Variants in DOCK7 observed in about 807,000 individuals in gnomAD.
The protein encoded by DOCK7 is dedicator of cytokinesis protein 7.
A neutral mutation model predicts 271.0 loss-of-function variants in DOCK7; 138 were observed. The ratio of observed to expected loss-of-function variants is 0.51; its 90% CI spans 0.44 to 0.59. The LOEUF (loss-of-function observed/expected upper bound fraction) is 0.59, where lower values mean the gene tolerates loss of function less well. Ranked by LOEUF, DOCK7 falls within the 20% of genes least tolerant of loss-of-function variation. DOCK7 has a pLI of 0.00. For synonymous variants in DOCK7, 823 were observed against 876.1 expected, an observed-to-expected ratio of 0.94 and a Z score of 1.07; for missense variants, 2,066 against 2,592.4, an observed-to-expected ratio of 0.80 and a Z score of 4.41.
chr1:62,543,658 T>C lies in DOCK7; in HGVS notation c.2947A>G (p.Lys983Glu). 1 of 1,598,700 alleles carries C rather than the reference T, an allele frequency of 6.3e-7. No homozygotes were observed. The highest frequency in any genetic ancestry group is 8.6e-7 in the Non-Finnish European group (1 of 1,168,602). ...GAATTGTCTTCATATGAATCTACCT[T>C]TTTAGTTGGTAAGCGTCCCGTTAAT... ...QTLTGRLPTKKLFHEELALQW... is the reference protein window; with the variant it reads ...QTLTGRLPTKELFHEELALQW... The change falls in exon 24 of 50, where the codon AAG (lysine) becomes GAG (glutamate). Residue 983 changes from lysine (K) to glutamate (E), a missense_variant and splice_region_variant. Lys to Glu is a moderately conservative substitution (Grantham distance 56). Around this residue, in one of 2 missense-constraint regions of DOCK7, gnomAD observed 1,414 missense variants for 1,670.4 expected, o/e 0.85. Transcript: ENST00000635253.
chr1:62,558,932 A>T, intron 20 of DOCK7, 57 bp downstream of exon 20: 5 of 1,409,780 alleles, frequency 3.5e-6, no homozygotes, highest in African/African-American at 1.4e-5. Context: ...TTTTAACAAA[A>T]TTTAGAAATG....
intron 10 of DOCK7, among the ~76,000 whole-genome samples, chr1:62,632,159 T>C (rs1011700970): frequency 6.6e-6 from 1 of 152,180 alleles, no homozygotes; most frequent in Non-Finnish European, 1.5e-5. Flanking sequence ...TGTCCTACCT[T>C]GGGACTCAGG....
intron 31 of DOCK7, among the ~76,000 whole-genome samples, chr1:62,525,585 CCCA>C (rs1644982997): frequency 2.0e-5 from 3 of 152,216 alleles, no homozygotes; most frequent in African/African-American, 2.4e-5. Context: ...AATGGTCATT[CCCA>C]GGGGAGGGAG....
At position 62,625,204 on chromosome 1, in the gene DOCK7, T is replaced by TA. The variant is rs1354280404; in HGVS notation, c.1425+54dup. 8 of 1,591,826 alleles carry TA rather than the reference T, an allele frequency of 5.0e-6. No individual in the cohort carries two copies. The South Asian group carries it at 7.9e-5, about 16-fold the overall frequency. On this transcript the variant is annotated intron_variant, in intron 12 of 49. Coordinates refer to ENST00000635253, the MANE Select transcript of DOCK7 (RefSeq NM_001367561.1). ...AGTACAATCACTACCTTTCTGAAAT[T>TA]AAAAAAATTTATGCACAAACATCTC...
chr1:62,495,303 C>A (rs1646588300), intron 39 of DOCK7: 1 of 200,784 alleles, frequency 5.0e-6, no homozygotes, highest in East Asian at 1.1e-4. Flanking sequence ...TTAGAAAAAT[C>A]ACTCAAGGCC....
chr1:62,457,682 T>C lies in DOCK7; in HGVS notation c.6236A>G (p.Asn2079Ser). Residue 2079 changes from asparagine to serine, a missense_variant, in exon 49 of 50, where the codon AAT becomes AGT. Asn to Ser is a conservative substitution (Grantham distance 46). This residue lies in a region of DOCK7 where 652 missense variants were observed against 922.1 expected (regional missense o/e 0.71). Coordinates refer to ENST00000635253, the MANE Select transcript of DOCK7 (RefSeq NM_001367561.1). ...TTGATCCGGCCCAATTAAGCTCTTATTTTTTCTTAAGGCATCTTCACACCT... is the reference window on the plus strand; with the variant it reads ...TTGATCCGGCCCAATTAAGCTCTTACTTTTTCTTAAGGCATCTTCACACCT... ...TKRCEDALRK[N>S]KSLIGPDQKE... 1 of 1,613,474 alleles carries C rather than the reference T, an allele frequency of 6.2e-7. No homozygotes were observed. The highest frequency in any genetic ancestry group is 8.5e-7 in the Non-Finnish European group (1 of 1,179,880).
intron 25 of DOCK7, among the ~76,000 whole-genome samples, chr1:62,541,132 TGATTTCAGCTTTATAGAGGCTGAAGAC>T (rs66827188): frequency 0.58 from 87,884 of 151,250 alleles, 27,162 homozygotes; most frequent in East Asian, 0.75. Flanking sequence ...AAAGTTTCAG[TGATTTCAGCTTTATAGAGGCTGAAGAC>T]GAAGGTGAAG....
intron 19 of DOCK7, 27 bp downstream of exon 19, chr1:62,561,590 T>A (rs754205318): frequency 7.1e-7 from 1 of 1,401,428 alleles, no homozygotes; most frequent in East Asian, 2.5e-5. Flanking sequence ...TAAGTGAAAT[T>A]TGATAATAAA....
intron 1 of DOCK7, among the ~76,000 whole-genome samples, chr1:62,683,081 T>C (rs1661351578): frequency 6.6e-6 from 1 of 152,110 alleles, no homozygotes; most frequent in African/African-American, 2.4e-5. Context: ...AGAAACAAAA[T>C]TGTTAAATAA....
intron 44 of DOCK7, among the ~76,000 whole-genome samples, chr1:62,476,468 G>C (rs1645970957): frequency 6.6e-6 from 1 of 152,086 alleles, no homozygotes; most frequent in Admixed American, 6.6e-5. Context: ...AAAGGGAACA[G>C]AAAGCAAAGA....
At chr1:62,675,760 G>A (rs1256595412) in intron 1 of DOCK7, among the ~76,000 whole-genome samples, 1 of 151,918 alleles carries the variant, frequency 6.6e-6, no homozygotes, top group Non-Finnish European at 1.5e-5. Context: ...ACTCCAGCCT[G>A]GGCGACAGTG....
chr1:62,588,626 G>A (rs552421020), intron 14 of DOCK7, among the ~76,000 whole-genome samples: 2 of 152,216 alleles, frequency 1.3e-5, no homozygotes, highest in Admixed American at 6.5e-5. Flanking sequence ...TTTTCAGGAA[G>A]ATCACTTTAT....
intron 15 of DOCK7, 101 bp from the exon 16 acceptor site, chr1:62,583,355 T>C (rs903712827): frequency 1.0e-5 from 11 of 1,100,422 alleles, no homozygotes; most frequent in African/African-American, 9.2e-5. Context: ...TTGAGAAAAA[T>C]GGGCAAAATC....
chr1:62,532,380 C>T (rs1038014388), intron 29 of DOCK7, among the ~76,000 whole-genome samples: 1 of 152,050 alleles, frequency 6.6e-6, no homozygotes, highest in Non-Finnish European at 1.5e-5. Context: ...ACTCTGTCAC[C>T]CAGGCTGGAA....
intron 14 of DOCK7, among the ~76,000 whole-genome samples, chr1:62,599,907 T>C (rs1649858657): frequency 6.6e-6 from 1 of 151,866 alleles, no homozygotes; most frequent in African/African-American, 2.4e-5. Flanking sequence ...AAAATATTAA[T>C]AATACTCTCA....
intron 9 of DOCK7, chr1:62,634,374 GTT>G (rs202048040): frequency 6.2e-4 from 76 of 122,366 alleles, no homozygotes; most frequent in African/African-American, 1.4e-3. Context: ...AAATCTCAAT[GTT>G]TTTTTTTTTT....
At chr1:62,577,497 GTAA>G (rs1646973972) in intron 17 of DOCK7, 134 bp from the exon 18 acceptor site, 141 of 424,106 alleles carry the variant, frequency 3.3e-4, no homozygotes, top group Middle Eastern at 1.3e-3. Flanking sequence ...AATTATACAA[GTAA>G]TAATAATAAT....
At chr1:62,644,619 C>T (rs1197256796) in intron 7 of DOCK7, among the ~76,000 whole-genome samples, 1 of 152,158 alleles carries the variant, frequency 6.6e-6, no homozygotes, top group Non-Finnish European at 1.5e-5. Flanking sequence ...ATGTATAAAT[C>T]ACTATGTTAC....
chr1:62,640,772 A>C (rs1655926181), intron 7 of DOCK7, among the ~76,000 whole-genome samples: 1 of 152,212 alleles, frequency 6.6e-6, no homozygotes, highest in African/African-American at 2.4e-5. Flanking sequence ...AAGTTAAAAC[A>C]GATGCCCTAT....
Sources: gnomAD v4.1 joint callset for allele counts (sites outside exome capture counted in the v4.1 genomes callset) on GRCh38, gnomAD v4.1.1 for gene constraint, gnomAD v4.1.1 regional missense constraint, MANE v1.5 for transcripts, NCBI Gene and HGNC (gene_info 2026-07-23, HGNC 2026-07-21) for gene names.